Variants in DOK6 observed in about 807,000 individuals in gnomAD.
DOK6 encodes the protein docking protein 6, also known as downstream of tyrosine kinase 6.
Under a neutral mutation model 44.0 loss-of-function variants are expected in DOK6, and 22 were observed. The ratio of observed to expected loss-of-function variants is 0.50; its 90% confidence interval spans 0.36 to 0.71. DOK6 has a LOEUF of 0.71. Ranked by LOEUF, DOK6 falls within the 30% of genes least tolerant of loss-of-function variation. The probability of loss-of-function intolerance (pLI) is 0.00; values close to 1 mark genes in which losing one functional copy is unlikely to be tolerated. For missense variants in DOK6, 340 were observed against 416.4 expected (o/e 0.82, Z 1.60); for synonymous variants, 166 against 145.5 (o/e 1.14, Z -1.01).
At chr18:69,653,843 TATAATGTTTCAAAC>T (rs933949930) in intron 3 of DOK6, among the ~76,000 whole-genome samples, 35 of 115,714 alleles carry the variant, frequency 3.0e-4, no homozygotes, top group African/African-American at 8.8e-4. Context: ...AAATTATCCC[TATAATGTTTCAAAC>T]ATAATGTTTC....
intron 7 of DOK6, among the ~76,000 whole-genome samples, chr18:69,821,519 T>A (rs879522990): frequency 1.3e-5 from 2 of 152,188 alleles, no homozygotes; most frequent in Admixed American, 6.6e-5. Flanking sequence ...TTTTCCATCT[T>A]TAAAAGTACC....
intron 7 of DOK6, among the ~76,000 whole-genome samples, chr18:69,791,587 T>C (rs1980600274): frequency 6.6e-6 from 1 of 152,190 alleles, no homozygotes; most frequent in Non-Finnish European, 1.5e-5. Context: ...TTTTGCCCAT[T>C]TTAAAATCAG....
intron 1 of DOK6, among the ~76,000 whole-genome samples, chr18:69,528,162 C>CCAA (rs1555710308): frequency 3.3e-4 from 23 of 70,684 alleles, no homozygotes; most frequent in Non-Finnish European, 5.5e-4. Context: ...GACTCTGTCT[C>CCAA]AAAAAAAAAA....
intron 1 of DOK6, among the ~76,000 whole-genome samples, chr18:69,525,570 C>A (rs1187776371): frequency 1.3e-5 from 2 of 151,930 alleles, no homozygotes; most frequent in African/African-American, 4.8e-5. Flanking sequence ...AGTACACTTG[C>A]CTTGGTTGAG....
intron 3 of DOK6, among the ~76,000 whole-genome samples, chr18:69,673,025 TGCTG>T (rs1463385600): frequency 2.0e-5 from 3 of 152,188 alleles, no homozygotes; most frequent in Admixed American, 6.5e-5. Flanking sequence ...TTTCTGCTTA[TGCTG>T]AAGACAAAAC....
chr18:69,626,543 T>A (rs556268242), intron 3 of DOK6, among the ~76,000 whole-genome samples: 1 of 152,304 alleles, frequency 6.6e-6, no homozygotes, highest in East Asian at 1.9e-4. Flanking sequence ...GCTGAATGCC[T>A]ATAACCTAAT....
At chr18:69,712,496 G>A (rs1986789066) in intron 5 of DOK6, among the ~76,000 whole-genome samples, 1 of 152,032 alleles carries the variant, frequency 6.6e-6, no homozygotes. Context: ...GACAGATAGT[G>A]TATAAATGTA....
chr18:69,446,669 A>G (rs908217094), intron 1 of DOK6, among the ~76,000 whole-genome samples: 2 of 152,212 alleles, frequency 1.3e-5, no homozygotes, highest in African/African-American at 4.8e-5. Context: ...TTACAGTCCC[A>G]CCAACAGTGT....
chr18:69,409,228 C>T (rs1052778806), intron 1 of DOK6, among the ~76,000 whole-genome samples: 2 of 152,178 alleles, frequency 1.3e-5, no homozygotes, highest in Admixed American at 1.3e-4. Context: ...GCCTCCCTAG[C>T]CATGCAGAAC....
At chr18:69,739,175 G>T in intron 6 of DOK6, 72 bp downstream of exon 6, 1 of 1,577,088 alleles carries the variant, frequency 6.3e-7, no homozygotes, top group Non-Finnish European at 8.6e-7. Flanking sequence ...CACTGTGTAT[G>T]TGTGGGGCCA....
chr18:69,709,068 G>A (rs538338820), intron 5 of DOK6, among the ~76,000 whole-genome samples: 31 of 152,264 alleles, frequency 2.0e-4, no homozygotes, highest in Admixed American at 3.3e-4. Flanking sequence ...GTGGGAGAGC[G>A]ATGCCAATAT....
chr18:69,462,232 C>T (rs140521568), intron 1 of DOK6, among the ~76,000 whole-genome samples: 432 of 152,172 alleles, frequency 2.8e-3, no homozygotes, highest in Non-Finnish European at 5.4e-3. Flanking sequence ...TGAAACCAAG[C>T]GCCCTGTGTA....
intron 1 of DOK6, among the ~76,000 whole-genome samples, chr18:69,563,451 C>A (rs36196763): frequency 0.18 from 26,965 of 151,952 alleles, 2,908 homozygotes; most frequent in Middle Eastern, 0.29. Context: ...CACATATACA[C>A]CATGGAATAC....
At chr18:69,435,067 G>GA (rs1428660344) in intron 1 of DOK6, among the ~76,000 whole-genome samples, 1 of 150,654 alleles carries the variant, frequency 6.6e-6, no homozygotes, top group African/African-American at 2.5e-5. Flanking sequence ...AGGAAGGAAG[G>GA]AAGGAAGGAA....
intron 4 of DOK6, among the ~76,000 whole-genome samples, chr18:69,684,762 C>A (rs939109817): frequency 6.6e-6 from 1 of 152,040 alleles, no homozygotes; most frequent in African/African-American, 2.4e-5. Flanking sequence ...AGGCATAGGA[C>A]AAGTAGCAGA....
intron 7 of DOK6, among the ~76,000 whole-genome samples, chr18:69,822,972 A>G (rs1981622297): frequency 6.6e-6 from 1 of 152,160 alleles, no homozygotes; most frequent in Admixed American, 6.5e-5. Context: ...AAGGATTGTC[A>G]TTTCCCCATG....
rs528489666 is a variant in DOK6, at chr18:69,539,641, T to G, written c.67-24846T>G. ...AAGCTTTCTTATTCCAGTAAGTGCA[T>G]GTACCATTGTTTATTTAATAAATTC... On this transcript the variant is annotated intron_variant, in intron 1 of 7. Transcript: ENST00000382713. Among the ~76,000 whole-genome samples the G allele has an allele frequency of 7.2e-5, 11 of 152,178 alleles. No individual in the cohort carries two copies. The East Asian group carries it at 2.1e-3, about 29-fold the overall frequency.
intron 3 of DOK6, among the ~76,000 whole-genome samples, chr18:69,670,156 C>G (rs1985761006): frequency 1.3e-5 from 2 of 152,082 alleles, no homozygotes; most frequent in African/African-American, 4.8e-5. Context: ...AATACACTTT[C>G]AGATTTGTTG....
At chr18:69,826,295 C>G (rs1307222739) in intron 7 of DOK6, among the ~76,000 whole-genome samples, 1 of 152,144 alleles carries the variant, frequency 6.6e-6, no homozygotes, top group Admixed American at 6.5e-5. Context: ...TTTTCCATAT[C>G]CTGCAGGTTT....
Sources: allele counts gnomAD v4.1 joint callset (sites outside exome capture counted in the v4.1 genomes callset), GRCh38; gene constraint gnomAD v4.1.1; transcripts MANE v1.5; gene names NCBI Gene and HGNC (gene_info 2026-07-23, HGNC 2026-07-21).